Variants in ARHGAP26 observed in about 807,000 individuals in gnomAD.
ARHGAP26 encodes the protein rho GTPase-activating protein 26.
Under a neutral mutation model 104.8 loss-of-function variants are expected in ARHGAP26, and 38 were observed. The ratio of observed to expected loss-of-function variants is 0.36; its 90% confidence interval spans 0.28 to 0.48. The LOEUF is 0.48. Ranked by LOEUF, ARHGAP26 falls within the 20% of genes least tolerant of loss-of-function variation. The probability of loss-of-function intolerance (pLI) is 0.99; values close to 1 mark genes in which losing one functional copy is unlikely to be tolerated. For synonymous variants in ARHGAP26, 341 were observed against 340.0 expected, an observed-to-expected ratio of 1.00 and a Z score of -0.03; for missense variants, 704 against 947.9, an observed-to-expected ratio of 0.74 and a Z score of 3.38.
chr5:143,066,508 A>G (rs1160386922), intron 17 of ARHGAP26, among the ~76,000 whole-genome samples: 2 of 152,196 alleles, frequency 1.3e-5, no homozygotes, highest in African/African-American at 2.4e-5. Flanking sequence ...CACCTTCCAT[A>G]AATGTTAATT....
chr5:142,947,313 G>A (rs947114449), intron 11 of ARHGAP26, among the ~76,000 whole-genome samples: 1 of 152,128 alleles, frequency 6.6e-6, no homozygotes, highest in Non-Finnish European at 1.5e-5. Context: ...TGTTCATTTG[G>A]AGGGAGGGAG....
At chr5:143,094,044 G>T (rs998871641) in intron 17 of ARHGAP26, among the ~76,000 whole-genome samples, 4 of 152,166 alleles carry the variant, frequency 2.6e-5, no homozygotes, top group African/African-American at 7.2e-5. Flanking sequence ...TCCTCATGGG[G>T]ACTTCTCACC....
At chr5:142,955,788 CTTG>C (rs1260010428) in intron 11 of ARHGAP26, among the ~76,000 whole-genome samples, 1 of 152,192 alleles carries the variant, frequency 6.6e-6, no homozygotes, top group Non-Finnish European at 1.5e-5. Context: ...AGATGTTAGT[CTTG>C]TTGTGGCCTC....
intron 12 of ARHGAP26, among the ~76,000 whole-genome samples, chr5:143,032,870 C>CA (rs932276491): frequency 6.6e-6 from 1 of 152,120 alleles, no homozygotes; most frequent in Non-Finnish European, 1.5e-5. Flanking sequence ...AAAGAAGAGA[C>CA]AAAGAGAGAT....
At chr5:143,130,533 T>C (rs1229956917) in intron 18 of ARHGAP26, among the ~76,000 whole-genome samples, 1 of 152,232 alleles carries the variant, frequency 6.6e-6, no homozygotes, top group Admixed American at 6.5e-5. Context: ...TATGAGCTCC[T>C]GCTTCCGTCA....
intron 1 of ARHGAP26, among the ~76,000 whole-genome samples, chr5:142,862,130 G>GA (rs1278374457): frequency 1.3e-5 from 2 of 152,152 alleles, no homozygotes; most frequent in African/African-American, 4.8e-5. Flanking sequence ...GAGAAAGCTA[G>GA]AAAGCTCAGG....
intron 11 of ARHGAP26, among the ~76,000 whole-genome samples, chr5:142,994,174 G>A (rs571587379): frequency 1.2e-4 from 19 of 152,320 alleles, no homozygotes; most frequent in African/African-American, 4.3e-4. Flanking sequence ...GATGATTTTA[G>A]ACTGAGGGAG....
Position 142,965,994 on chromosome 5 carries a change from C to T in ARHGAP26, c.1107+33869C>T, listed in dbSNP as rs184183290. On this transcript the variant is annotated intron_variant, in intron 11 of 22. Coordinates refer to ENST00000645722, the MANE Select transcript of ARHGAP26 (RefSeq NM_001135608.3). ...AAATAAGCCTTTTGTTTTCTCTCTCCCACTCCTTTTCCCCTTGCATTTTGG... is the reference window on the plus strand; with the variant it reads ...AAATAAGCCTTTTGTTTTCTCTCTCTCACTCCTTTTCCCCTTGCATTTTGG... Among the ~76,000 whole-genome samples the T allele has an allele frequency of 3.5e-4, 53 of 152,278 alleles. 1 individual carries two copies. The highest frequency in any genetic ancestry group is 6.8e-3 in the Middle Eastern group (2 of 294).
intron 11 of ARHGAP26, among the ~76,000 whole-genome samples, chr5:142,938,368 A>G (rs1321706416): frequency 6.6e-6 from 1 of 152,180 alleles, no homozygotes; most frequent in African/African-American, 2.4e-5. Context: ...TTGCAACTCC[A>G]TAAGCTTTTG....
intron 17 of ARHGAP26, among the ~76,000 whole-genome samples, chr5:143,119,462 T>C (rs1346004740): frequency 6.6e-6 from 1 of 152,198 alleles, no homozygotes; most frequent in Non-Finnish European, 1.5e-5. Context: ...GCTGATTGAC[T>C]GAGGCACAGA....
chr5:142,900,302 C>T (rs1197037406), intron 6 of ARHGAP26, among the ~76,000 whole-genome samples: 1 of 152,038 alleles, frequency 6.6e-6, no homozygotes, highest in African/African-American at 2.4e-5. Context: ...TCTCTAGTGA[C>T]TCCATGGGGC....
At chr5:143,141,176 C>A (rs902688343) in intron 19 of ARHGAP26, among the ~76,000 whole-genome samples, 3 of 152,166 alleles carry the variant, frequency 2.0e-5, no homozygotes, top group Non-Finnish European at 4.4e-5. Flanking sequence ...GACTGAAAAC[C>A]ACGTTGATAA....
chr5:143,193,318 G>A (rs991558944), intron 20 of ARHGAP26, among the ~76,000 whole-genome samples: 1 of 144,922 alleles, frequency 6.9e-6, no homozygotes, highest in Non-Finnish European at 1.5e-5. Flanking sequence ...CACGATCTCG[G>A]CTCACTGCAA....
chr5:143,041,216 A>G (rs1158465263), intron 13 of ARHGAP26, among the ~76,000 whole-genome samples: 1 of 152,218 alleles, frequency 6.6e-6, no homozygotes, highest in Non-Finnish European at 1.5e-5. Flanking sequence ...TTTTTTGTTT[A>G]GATGTTTAAT....
intron 20 of ARHGAP26, among the ~76,000 whole-genome samples, chr5:143,168,385 C>T (rs937809113): frequency 5.0e-4 from 71 of 141,338 alleles, no homozygotes; most frequent in African/African-American, 1.6e-3. Context: ...TTGCCTGAGA[C>T]GTTCCCTATT....
chr5:143,202,708 G>T (rs1807949354), intron 20 of ARHGAP26: 2 of 152,148 alleles, frequency 1.3e-5, no homozygotes, highest in Admixed American at 6.5e-5. Flanking sequence ...AAACAGCATG[G>T]TACTGGTACC....
chr5:143,113,449 A>C (rs1392824700), intron 17 of ARHGAP26, among the ~76,000 whole-genome samples: 1 of 152,202 alleles, frequency 6.6e-6, no homozygotes, highest in Admixed American at 6.5e-5. Context: ...GGATGAATGC[A>C]TATATGGCCA....
chr5:142,839,126 A>G (rs942655006), intron 1 of ARHGAP26, among the ~76,000 whole-genome samples: 2 of 152,224 alleles, frequency 1.3e-5, no homozygotes, highest in African/African-American at 2.4e-5. Context: ...ATTCTTATGT[A>G]TTTTATAAGT....
At chr5:143,141,839 G>A (rs1039263632) in intron 19 of ARHGAP26, among the ~76,000 whole-genome samples, 3 of 152,188 alleles carry the variant, frequency 2.0e-5, no homozygotes, top group Admixed American at 1.3e-4. Flanking sequence ...CTCCTTTGCG[G>A]TTTCTGAAAT....
Sources: gnomAD v4.1 joint callset for allele counts (sites outside exome capture counted in the v4.1 genomes callset) on GRCh38, gnomAD v4.1.1 for gene constraint, MANE v1.5 for transcripts, NCBI Gene and HGNC (gene_info 2026-07-23, HGNC 2026-07-21) for gene names.